The following MIGA2 variants were observed in gnomAD, a reference collection of about 807,000 sequenced individuals.
MIGA2 encodes the protein mitoguardin 2, also known as family with sequence similarity 73, member B.
In MIGA2, 36 loss-of-function variants were observed where a neutral mutation model predicts 69.9. The observed-to-expected ratio is 0.52, with a 90% CI of 0.39 to 0.68. The LOEUF (loss-of-function observed/expected upper bound fraction) is 0.68, where lower values mean the gene tolerates loss of function less well. Ranked by LOEUF, MIGA2 falls within the 30% of genes least tolerant of loss-of-function variation. The pLI is 0.00. For missense variants in MIGA2, 660 were observed against 787.7 expected, an observed-to-expected ratio of 0.84 and a Z score of 1.94; for synonymous variants, 333 against 349.2, an observed-to-expected ratio of 0.95 and a Z score of 0.52.
chr9:129,062,388 T>G lies in MIGA2; in HGVS notation c.1011-856T>G, dbSNP rs191444479. On this transcript the variant is annotated intron_variant, in intron 9 of 15. Coordinates refer to ENST00000684074, the MANE Select transcript of MIGA2 (RefSeq NM_001329990.2). ...CTCTACTAAAAATATAAAAATTAGCTGGGCATGGTGGCACATACCTGTAGT... is the reference window on the plus strand; with the variant it reads ...CTCTACTAAAAATATAAAAATTAGCGGGGCATGGTGGCACATACCTGTAGT... Among the ~76,000 whole-genome samples, 15 of 151,118 alleles carry G rather than the reference T, an allele frequency of 9.9e-5. No individual in the cohort carries two copies. The East Asian group carries it at 3.0e-3, about 30-fold the overall frequency.
Position 129,069,429 on chromosome 9 carries a change from A to G in MIGA2, c.1458+300A>G. The G allele has an allele frequency of 1.8e-6, 1 of 545,972 alleles. No homozygotes were observed. The highest frequency in any genetic ancestry group is 3.3e-6 in the Non-Finnish European group (1 of 303,132). 33.8% of individuals were successfully genotyped at this position (545,972 alleles called of 1,614,324 possible). A position where few individuals can be genotyped will look rare whatever the true frequency, so the allele number is the denominator to read the frequency against. On this transcript the variant is annotated intron_variant, in intron 14 of 15. Transcript: ENST00000684074. The surrounding 1 kb of genome is among the most constrained non-coding windows in gnomAD (Gnocchi z 4.9). ...GTGCAGGCGTCTCGGTGGGGGCAGG[A>G]TACCCAGGAGCAAGCAGAGCCCTGT...
chr9:129,051,605 T>A (rs1040327901), intron 6 of MIGA2, among the ~76,000 whole-genome samples: 1 of 149,832 alleles, frequency 6.7e-6, no homozygotes, highest in Non-Finnish European at 1.5e-5. Context: ...TATTTTATTA[T>A]TTTTTTTTAA....
At position 129,059,279 on chromosome 9, in the gene MIGA2, G is replaced by T. The variant is rs1256320283; in HGVS notation, c.793+8G>T. 6.4e-7 allele frequency: 1 copy of T among 1,563,810 alleles called. No individual in the cohort carries two copies. The highest frequency in any genetic ancestry group is 8.7e-7 in the Non-Finnish European group (1 of 1,152,200). On this transcript the variant is annotated splice_region_variant and intron_variant, in intron 7 of 15. Transcript: ENST00000684074. The surrounding 1 kb of genome is among the most constrained non-coding windows in gnomAD (Gnocchi z 5.6). The stretch of plus-strand genomic sequence containing the variant: ...GCATGCTGCTAGACCTCGGTGAGCT[G>T]GGCCCAGTGCAGGTGGGGTGGGCGT...
intron 6 of MIGA2, among the ~76,000 whole-genome samples, chr9:129,058,492 C>CTTTCT (rs936890015): frequency 1.5e-5 from 2 of 137,382 alleles, no homozygotes; most frequent in Non-Finnish European, 3.1e-5. Context: ...AATTTTCTTT[C>CTTTCT]TTTCTTTTTT....
chr9:129,051,144 CCT>C (rs1845507413), intron 6 of MIGA2, among the ~76,000 whole-genome samples: 1 of 152,058 alleles, frequency 6.6e-6, no homozygotes. Context: ...CCTGCCTCGG[CCT>C]CCCAAAGTGC....
chr9:129,061,341 C>T lies in MIGA2; in HGVS notation c.1005C>T (p.Thr335=). ...AGGAGGGGAGAGTGCCTTGCCGGAC[C>T]CTCAGGTGAGCAGGTGTGGAGGGAG... ...LVKEGRVPCR[T]LRTELLGCYS... is the part of the protein sequence containing the mutation. Residue 335 remains threonine (T), a synonymous_variant, in exon 9 of 16, where the codon ACC becomes ACT. Transcript: ENST00000684074. This position sits in a 1 kb window ranked among gnomAD's most constrained non-coding sequence, Gnocchi z 5.0. The T allele has an allele frequency of 6.2e-7, 1 of 1,610,072 alleles. No individual in the cohort carries two copies. The highest frequency in any genetic ancestry group is 8.5e-7 in the Non-Finnish European group (1 of 1,178,702).
At chr9:129,058,472 A>G (rs1333007660) in intron 6 of MIGA2, among the ~76,000 whole-genome samples, 1 of 149,072 alleles carries the variant, frequency 6.7e-6, no homozygotes, top group Non-Finnish European at 1.5e-5. Flanking sequence ...GTCAGTTACC[A>G]TAAGTCCACA....
chr9:129,049,260 C>T, intron 4 of MIGA2, 121 bp from the exon 5 acceptor site: 2 of 905,622 alleles, frequency 2.2e-6, no homozygotes, highest in Non-Finnish European at 3.5e-6. Context: ...GGAACAAGCT[C>T]AGGGATGGCA....
intron 3 of MIGA2, among the ~76,000 whole-genome samples, chr9:129,044,539 G>A (rs895325951): frequency 6.6e-6 from 1 of 151,994 alleles, no homozygotes; most frequent in Admixed American, 6.6e-5. Context: ...TGCAAGGCCA[G>A]GAGTTCTCAT....
At chr9:129,058,466 G>C (rs1845902778) in intron 6 of MIGA2, among the ~76,000 whole-genome samples, 1 of 146,622 alleles carries the variant, frequency 6.8e-6, no homozygotes, top group African/African-American at 2.5e-5. Flanking sequence ...GGGTGAGTCA[G>C]TTACCATAAG....
intron 6 of MIGA2, among the ~76,000 whole-genome samples, chr9:129,056,248 C>T (rs1012581990): frequency 6.6e-6 from 1 of 152,012 alleles, no homozygotes; most frequent in African/African-American, 2.4e-5. Context: ...AAATGTTGCA[C>T]GTGGCTTTCC....
intron 3 of MIGA2, among the ~76,000 whole-genome samples, chr9:129,047,898 T>TTTGTA (rs1845315548): frequency 6.6e-6 from 1 of 151,746 alleles, no homozygotes; most frequent in African/African-American, 2.4e-5. Flanking sequence ...TTGGCTAATT[T>TTTGTA]TTGTATTTTT....
In MIGA2 at chr9:129,070,733, G is replaced by C. The variant is rs1308698982; in HGVS notation, c.*280G>C. 6.2e-6 allele frequency: 3 copies of C among 484,100 alleles called. No individual in the cohort carries two copies. The highest frequency in any genetic ancestry group is 1.1e-5 in the Non-Finnish European group (3 of 270,274). The allele number at this position is 484,100 out of a possible 1,614,324, so 30.0% of individuals were successfully genotyped here. A position where few individuals can be genotyped will look rare whatever the true frequency, so the allele number is the denominator to read the frequency against. The stretch of plus-strand genomic sequence containing the variant: ...CAGAGCCAGGATGCCCCAGGTGGGG[G>C]ACCCCAAAACCTCCCATCGCTCCAG... On this transcript the variant is annotated 3_prime_UTR_variant, in exon 16 of 16. Coordinates refer to ENST00000684074, the MANE Select transcript of MIGA2 (RefSeq NM_001329990.2).
rs1036530395 is a variant in MIGA2, at chr9:129,040,907, T to C, written c.96+217T>C. 3.3e-5 allele frequency among the ~76,000 whole-genome samples: 5 copies of C among 152,302 alleles called. No individual in the cohort carries two copies. The East Asian group carries it at 5.8e-4, about 18-fold the overall frequency. Reference sequence around the variant, plus strand: ...TTTTTAATTAATTAAAAAAATTGTATTGGCCGGGTGCGATGGCTCACGCCT... The same window carrying C: ...TTTTTAATTAATTAAAAAAATTGTACTGGCCGGGTGCGATGGCTCACGCCT... On this transcript the variant is annotated intron_variant, in intron 2 of 15. Coordinates refer to ENST00000684074, the MANE Select transcript of MIGA2 (RefSeq NM_001329990.2).
rs534146575 is a variant in MIGA2, at chr9:129,057,357, G to T, written c.676-1797G>T. Among the ~76,000 whole-genome samples, 187 of 146,988 alleles carry T rather than the reference G, an allele frequency of 1.3e-3. 4 individuals carry two copies. In the East Asian group the frequency reaches 0.023, roughly 18 times the overall value. On this transcript the variant is annotated intron_variant, in intron 6 of 15. Coordinates refer to ENST00000684074, the MANE Select transcript of MIGA2 (RefSeq NM_001329990.2). Reference sequence around the variant, plus strand: ...CCCAGGCTGGAGTGCAGTGGCTCTCGATCTCGGCTCACTGCAAGCTCCCCC... The same window carrying T: ...CCCAGGCTGGAGTGCAGTGGCTCTCTATCTCGGCTCACTGCAAGCTCCCCC...
Position 129,046,350 on chromosome 9 carries a change from G to A in MIGA2, c.308-2077G>A, listed in dbSNP as rs567112703. Among the ~76,000 whole-genome samples the A allele has an allele frequency of 3.3e-5, 5 of 152,056 alleles. No individual in the cohort carries two copies. The South Asian group carries it at 1.0e-3, about 32-fold the overall frequency. ...CTTTTCTCACTTCTAACAAAATATT[G>A]GCCATGTATAGTGGCTTGTACCTGT... On this transcript the variant is annotated intron_variant, in intron 3 of 15. Transcript: ENST00000684074.
intron 3 of MIGA2, among the ~76,000 whole-genome samples, chr9:129,042,990 C>T (rs903081785): frequency 7.9e-5 from 12 of 152,206 alleles, no homozygotes; most frequent in South Asian, 2.1e-4. Flanking sequence ...GTTAGGAGAT[C>T]GAGGCCATCC....
chr9:129,043,704 CTT>C (rs903288618), intron 3 of MIGA2, among the ~76,000 whole-genome samples: 1 of 145,820 alleles, frequency 6.9e-6, no homozygotes, highest in African/African-American at 2.5e-5. Context: ...TCTTTCTACT[CTT>C]TTTTTTTTTT....
intron 2 of MIGA2, chr9:129,042,008 C>T (rs1465981906): frequency 9.6e-6 from 4 of 416,454 alleles, no homozygotes; most frequent in Admixed American, 3.5e-5. Flanking sequence ...AGTGCAGTGC[C>T]GGGCACAGCT....
Sources: allele counts gnomAD v4.1 joint callset (sites outside exome capture counted in the v4.1 genomes callset), GRCh38; gene constraint gnomAD v4.1.1; non-coding constraint Gnocchi (gnomAD v3.1); transcripts MANE v1.5; gene names NCBI Gene and HGNC (gene_info 2026-07-23, HGNC 2026-07-21).